The following G3BP1 variants were observed in gnomAD, a reference collection of about 807,000 sequenced individuals.
G3BP1 encodes G3BP stress granule assembly factor 1.
In G3BP1, 35 loss-of-function variants were observed where a neutral mutation model predicts 58.6. The ratio of observed to expected loss-of-function variants is 0.60; its 90% CI spans 0.46 to 0.79. The LOEUF (loss-of-function observed/expected upper bound fraction) is 0.79. G3BP1 is among the 30% of genes least tolerant of loss of function. The pLI, the probability that G3BP1 is intolerant of heterozygous loss-of-function variation, is 0.00. For missense variants in G3BP1, 523 were observed against 580.8 expected, an observed-to-expected ratio of 0.90 and a Z score of 1.02; for synonymous variants, 191 against 195.4, an observed-to-expected ratio of 0.98 and a Z score of 0.19.
rs1421187233 is a variant in G3BP1 at position 151,792,550 on chromosome 5, A to G, written c.351+1488A>G. On this transcript the variant is annotated intron_variant, in intron 4 of 11. Transcript: ENST00000356245. ...ATCTAACTTCTTAGTATAATACACT[A>G]TTATATAAACTGTCTCATTTAATAC... is the stretch of plus-strand genomic sequence containing the variant. Among the ~76,000 whole-genome samples the G allele has an allele frequency of 2.0e-5, 3 of 152,220 alleles. No homozygotes were observed. In the East Asian group the frequency reaches 5.8e-4, roughly 29 times the overall value.
At chr5:151,779,783 A>T (rs1762436080) in intron 1 of G3BP1, among the ~76,000 whole-genome samples, 1 of 152,134 alleles carries the variant, frequency 6.6e-6, no homozygotes, top group Admixed American at 6.5e-5. Context: ...GTGCTCTCAT[A>T]TGGTTGTCTT....
chr5:151,779,766 C>A (rs1326620254), intron 1 of G3BP1, among the ~76,000 whole-genome samples: 1 of 152,208 alleles, frequency 6.6e-6, no homozygotes, highest in Non-Finnish European at 1.5e-5. Flanking sequence ...TGTTTTCAAT[C>A]TTAAAAGTGC....
At chr5:151,781,074 A>G (rs1186233618) in intron 1 of G3BP1, among the ~76,000 whole-genome samples, 1 of 152,170 alleles carries the variant, frequency 6.6e-6, no homozygotes, top group African/African-American at 2.4e-5. Context: ...CACAAACTGA[A>G]TAGCCTAGAA....
rs1327288859 is a variant in G3BP1, at chr5:151,797,291, C to A, written c.604C>A (p.Pro202Thr). The A allele has an allele frequency of 6.2e-7, 1 of 1,612,524 alleles. No individual in the cohort carries two copies. Among genetic ancestry groups the A allele is most frequent in the Non-Finnish European group, 8.5e-7 (1 of 1,178,588 alleles). The stretch of plus-strand genomic sequence containing the variant: ...ACCAGAGCCTGATCCTGAACCAGAA[C>A]CAGAACAAGAACCTGTATCTGAAAT... The part of the protein sequence containing the change: ...AEPEPDPEPE[P>T]EQEPVSEIQE... The change falls in exon 7 of 12, where the codon CCA (proline) becomes ACA (threonine). Residue 202 changes from proline to threonine, a missense_variant. Around this residue, in one of 2 missense-constraint regions of G3BP1, gnomAD observed 398 missense variants for 399.1 expected, o/e 1.00. Transcript: ENST00000356245.
intron 8 of G3BP1, 146 bp from the exon 9 acceptor site, chr5:151,799,743 A>G: frequency 1.6e-6 from 1 of 608,588 alleles, no homozygotes; most frequent in East Asian, 2.8e-5. Flanking sequence ...AGGACGGAAG[A>G]GAAGGGTATA....
chr5:151,778,170 C>T (rs1360363672), intron 1 of G3BP1, among the ~76,000 whole-genome samples: 1 of 152,164 alleles, frequency 6.6e-6, no homozygotes, highest in Non-Finnish European at 1.5e-5. Context: ...TTTAAAGAAA[C>T]TCCCTGTTTT....
At chr5:151,793,310 T>C (rs1197048689) in intron 4 of G3BP1, among the ~76,000 whole-genome samples, 1 of 152,080 alleles carries the variant, frequency 6.6e-6, no homozygotes, top group Non-Finnish European at 1.5e-5. Context: ...GGTTTCACCA[T>C]ATTGGCCAGG....
intron 4 of G3BP1, 42 bp from the exon 5 acceptor site, chr5:151,794,117 A>G: frequency 4.1e-6 from 5 of 1,217,632 alleles, no homozygotes; most frequent in Non-Finnish European, 6.1e-6. Context: ...TGACTTTCTA[A>G]AAGTCTGTTG....
chr5:151,794,284 A>AT (rs1231169577), intron 5 of G3BP1, 35 bp downstream of exon 5: 65 of 1,236,208 alleles, frequency 5.3e-5, no homozygotes, highest in Non-Finnish European at 7.1e-5. Context: ...ACTTGTCTAA[A>AT]TTTTTTTTAA....
rs193159435 is a variant in G3BP1 at position 151,804,038 on chromosome 5, A to T, written c.1348A>T (p.Met450Leu). The change falls in exon 12 of 12, where the codon ATG becomes TTG. Residue 450 changes from methionine to leucine, a missense_variant. Transcript: ENST00000356245. ...GGMRGPPRGGMVQKPGFGVGR... is the reference protein window; with the variant it reads ...GGMRGPPRGGLVQKPGFGVGR... ...AATGAGAGGCCCTCCCCGTGGAGGCATGGTGCAGAAACCAGGATTTGGAGT... is the reference window on the plus strand; with the variant it reads ...AATGAGAGGCCCTCCCCGTGGAGGCTTGGTGCAGAAACCAGGATTTGGAGT... 15 of 1,613,354 alleles carry T rather than the reference A, an allele frequency of 9.3e-6. No individual in the cohort carries two copies. The highest frequency in any genetic ancestry group is 1.7e-4 in the Middle Eastern group (1 of 6,058).
chr5:151,771,981 G>GTGC lies in G3BP1; in HGVS notation c.-104_-103insGCT, dbSNP rs1326996437. 6.6e-6 allele frequency: 1 copy of GTGC among 152,542 alleles called. No homozygotes were observed. Among genetic ancestry groups the GTGC allele is most frequent in the African/African-American group, 2.4e-5 (1 of 41,486 alleles). 9.4% of individuals were successfully genotyped at this position (152,542 alleles called of 1,614,324 possible). A position where few individuals can be genotyped will look rare whatever the true frequency, so the allele number is the denominator to read the frequency against. On this transcript the variant is annotated 5_prime_UTR_variant, in exon 1 of 12. Transcript: ENST00000356245. ...GCGGACGCAGTTGCGTGAGGGGTTTGTACTATCCTCGGTGCTGTGGTGCAG... is the reference window on the plus strand; with the variant it reads ...GCGGACGCAGTTGCGTGAGGGGTTTGTGCTACTATCCTCGGTGCTGTGGTGCAG...
At chr5:151,783,033 A>G (rs562518422) in intron 1 of G3BP1, among the ~76,000 whole-genome samples, 1 of 151,244 alleles carries the variant, frequency 6.6e-6, no homozygotes, top group African/African-American at 2.4e-5. Flanking sequence ...AATTTTTTGT[A>G]TTTTTATTAG....
intron 2 of G3BP1, among the ~76,000 whole-genome samples, chr5:151,789,367 T>C (rs1762607705): frequency 7.0e-6 from 1 of 143,026 alleles, no homozygotes; most frequent in African/African-American, 2.4e-5. Flanking sequence ...AGACTCTGTC[T>C]TAAAAAAAAA....
chr5:151,773,595 T>A (rs547970076), intron 1 of G3BP1, among the ~76,000 whole-genome samples: 11 of 152,260 alleles, frequency 7.2e-5, no homozygotes, highest in East Asian at 3.9e-4. Context: ...GAAATAAATC[T>A]TCTATGTTAT....
At position 151,797,632 on chromosome 5, in the gene G3BP1, A is replaced by G. The variant is rs954572919; in HGVS notation, c.741+204A>G. ...TTAGTTTATTTCATCAAAAGAAACC[A>G]CTCCCTTCCCCGAGGTAACTTGAAT... is the stretch of plus-strand genomic sequence containing the variant. On this transcript the variant is annotated intron_variant, in intron 7 of 11. Coordinates refer to ENST00000356245, the MANE Select transcript of G3BP1 (RefSeq NM_005754.3). 1.4e-4 allele frequency among the ~76,000 whole-genome samples: 21 copies of G among 151,976 alleles called. No individual in the cohort carries two copies. In the South Asian group the frequency reaches 3.3e-3, roughly 24 times the overall value.
chr5:151,794,148 T>G lies in G3BP1; in HGVS notation c.352-11T>G. 1 of 1,522,834 alleles carries G rather than the reference T, an allele frequency of 6.6e-7. No homozygotes were observed. The highest frequency in any genetic ancestry group is 9.1e-7 in the Non-Finnish European group (1 of 1,097,864). The allele number at this position is 1,522,834 out of a possible 1,614,324, so 94.3% of individuals were successfully genotyped here. A position where few individuals can be genotyped will look rare whatever the true frequency, so the allele number is the denominator to read the frequency against. On this transcript the variant is annotated splice_polypyrimidine_tract_variant and intron_variant, in intron 4 of 11. Coordinates refer to ENST00000356245, the MANE Select transcript of G3BP1 (RefSeq NM_005754.3). The stretch of plus-strand genomic sequence containing the variant: ...TGTTGAATAAATTAAAACTTTCTGT[T>G]GGCATTGCAGGGGTCTGTTGCAAAT...
chr5:151,773,170 C>A (rs997800828), intron 1 of G3BP1, among the ~76,000 whole-genome samples: 1 of 151,396 alleles, frequency 6.6e-6, no homozygotes, highest in Non-Finnish European at 1.5e-5. Flanking sequence ...TTTTTCTCTA[C>A]TTTTTTTTTA....
chr5:151,792,670 C>T (rs1762680107), intron 4 of G3BP1, among the ~76,000 whole-genome samples: 1 of 152,136 alleles, frequency 6.6e-6, no homozygotes, highest in Non-Finnish European at 1.5e-5. Flanking sequence ...GTGGTAGGAT[C>T]ATGACTTACT....
At position 151,790,940 on chromosome 5, in the gene G3BP1, A is replaced by T; in HGVS notation, c.229A>T (p.Ile77Phe). 6.2e-7 allele frequency: 1 copy of T among 1,611,090 alleles called. No homozygotes were observed. The highest frequency in any genetic ancestry group is 8.5e-7 in the Non-Finnish European group (1 of 1,178,560). Residue 77 changes from isoleucine to phenylalanine, a missense_variant, in exon 4 of 12, where the codon ATT becomes TTT. Coordinates refer to ENST00000356245, the MANE Select transcript of G3BP1 (RefSeq NM_005754.3). The part of the protein sequence containing the change: ...SQNFTNCHTK[I>F]RHVDAHATLN... ...AAACTTCACCAACTGCCACACCAAG[A>T]TTCGCCATGTTGATGCTCATGCCAC...
Sources: allele counts gnomAD v4.1 joint callset (sites outside exome capture counted in the v4.1 genomes callset), GRCh38; gene constraint gnomAD v4.1.1; regional missense constraint gnomAD v4.1.1; transcripts MANE v1.5; gene names NCBI Gene and HGNC (gene_info 2026-07-23, HGNC 2026-07-21).